Variants in BTC observed in about 807,000 individuals in gnomAD.
BTC encodes betacellulin.
BTC carries 13 observed loss-of-function variants against 18.1 expected under a neutral mutation model. That is an observed-to-expected ratio of 0.72 (90% CI 0.47 to 1.14). The LOEUF (loss-of-function observed/expected upper bound fraction) is 1.14, where lower values mean the gene tolerates loss of function less well. Among genes scored for constraint, BTC ranks in the 50% most tolerant of loss-of-function variants. The pLI is 0.00. For synonymous variants in BTC, 83 were observed against 79.4 expected, an observed-to-expected ratio of 1.05 and a Z score of -0.24; for missense variants, 247 against 224.2, an observed-to-expected ratio of 1.10 and a Z score of -0.65.
intron 2 of BTC, among the ~76,000 whole-genome samples, chr4:74,769,306 A>G (rs752134863): frequency 1.1e-4 from 16 of 152,184 alleles, no homozygotes; most frequent in East Asian, 1.9e-4. Flanking sequence ...CAATCTATAC[A>G]GAACAAACAT....
intron 1 of BTC, among the ~76,000 whole-genome samples, chr4:74,792,688 G>T (rs1351294218): frequency 6.6e-6 from 1 of 152,066 alleles, no homozygotes; most frequent in Non-Finnish European, 1.5e-5. Context: ...ATGCTCATTC[G>T]CATCGCCAAC....
chr4:74,790,946 T>C (rs1225920123), intron 1 of BTC, among the ~76,000 whole-genome samples: 4 of 152,044 alleles, frequency 2.6e-5, no homozygotes, highest in Non-Finnish European at 5.9e-5. Flanking sequence ...AGGATGAGCT[T>C]ACATGCTTTT....
At chr4:74,792,664 C>T (rs1450156965) in intron 1 of BTC, among the ~76,000 whole-genome samples, 1 of 152,232 alleles carries the variant, frequency 6.6e-6, no homozygotes, top group Non-Finnish European at 1.5e-5. Flanking sequence ...AAATTCTACT[C>T]TTTCCAGTAA....
At chr4:74,782,298 C>T (rs1429979436) in intron 1 of BTC, among the ~76,000 whole-genome samples, 1 of 152,118 alleles carries the variant, frequency 6.6e-6, no homozygotes, top group African/African-American at 2.4e-5. Context: ...TTGTTACCCA[C>T]TATGTGTCCA....
chr4:74,752,005 G>A (rs782083349), intron 3 of BTC, among the ~76,000 whole-genome samples: 1 of 152,142 alleles, frequency 6.6e-6, no homozygotes, highest in Admixed American at 6.5e-5. Context: ...AAGGATTTAC[G>A]GCTGGGCTGT....
At chr4:74,763,458 A>T (rs974320187) in intron 2 of BTC, among the ~76,000 whole-genome samples, 15 of 152,208 alleles carry the variant, frequency 9.9e-5, no homozygotes, top group Admixed American at 2.0e-4. Context: ...TAATTTTTTT[A>T]AAGTCAAATA....
At chr4:74,757,757 T>A (rs1724640256) in intron 2 of BTC, among the ~76,000 whole-genome samples, 1 of 152,204 alleles carries the variant, frequency 6.6e-6, no homozygotes, top group Non-Finnish European at 1.5e-5. Flanking sequence ...GAACACTGGA[T>A]TCGGAGAAAG....
chr4:74,765,878 G>A (rs1031211089), intron 2 of BTC, among the ~76,000 whole-genome samples: 6 of 152,014 alleles, frequency 3.9e-5, no homozygotes, highest in African/African-American at 1.4e-4. Context: ...TGCATTATTA[G>A]GCAGTTTTTT....
At chr4:74,751,957 C>T (rs1724472053) in intron 3 of BTC, among the ~76,000 whole-genome samples, 1 of 152,116 alleles carries the variant, frequency 6.6e-6, no homozygotes, top group African/African-American at 2.4e-5. Flanking sequence ...AATTCTGCTC[C>T]TTAGAAAACT....
rs1724255321 is a variant in BTC at position 74,744,998 on chromosome 4, A to C, written c.*1679T>G. On this transcript the variant is annotated 3_prime_UTR_variant, in exon 6 of 6. Transcript: ENST00000395743. ...GCCAAACTCAGTCCAGGAAAAAAGA[A>C]ACATTAAAGCATTGTTTTGTGTTTT... 1 of 152,232 alleles carries C rather than the reference A, an allele frequency of 6.6e-6. No homozygotes were observed. The highest frequency in any genetic ancestry group is 1.5e-5 in the Non-Finnish European group (1 of 68,038). The allele number at this position is 152,232 out of a possible 1,614,324, so 9.4% of individuals were successfully genotyped here.
intron 2 of BTC, among the ~76,000 whole-genome samples, chr4:74,768,500 T>C (rs187119188): frequency 4.6e-5 from 7 of 152,216 alleles, no homozygotes; most frequent in Admixed American, 2.6e-4. Context: ...AATAAGACAG[T>C]CACAGAAAGA....
intron 2 of BTC, among the ~76,000 whole-genome samples, chr4:74,762,238 C>T (rs552029623): frequency 6.6e-6 from 1 of 152,174 alleles, no homozygotes; most frequent in East Asian, 1.9e-4. Flanking sequence ...TTTGATCTTC[C>T]CATGTGATTC....
chr4:74,787,358 T>C (rs367820268), intron 1 of BTC, among the ~76,000 whole-genome samples: 105 of 152,350 alleles, frequency 6.9e-4, no homozygotes, highest in African/African-American at 2.3e-3. Context: ...CATGGTTATT[T>C]GACCTTGTTT....
intron 5 of BTC, among the ~76,000 whole-genome samples, chr4:74,746,934 T>C (rs1553955549): frequency 6.6e-6 from 1 of 152,210 alleles, no homozygotes; most frequent in Non-Finnish European, 1.5e-5. Flanking sequence ...ACGAGGAAGC[T>C]TGTAGCCCTA....
At chr4:74,761,933 C>T (rs4524459) in intron 2 of BTC, among the ~76,000 whole-genome samples, 60,830 of 152,024 alleles carry the variant, frequency 0.4, 12,830 homozygotes, top group East Asian at 0.61. Flanking sequence ...CTCTATTATA[C>T]ATTACTCATT....
At chr4:74,763,061 T>C (rs1553957474) in intron 2 of BTC, among the ~76,000 whole-genome samples, 1 of 152,190 alleles carries the variant, frequency 6.6e-6, no homozygotes, top group East Asian at 1.9e-4. Flanking sequence ...TTTCTCAACA[T>C]TTGTCCACAC....
chr4:74,748,410 C>T (rs2109875421), intron 4 of BTC, among the ~76,000 whole-genome samples: 1 of 152,152 alleles, frequency 6.6e-6, no homozygotes, highest in East Asian at 1.9e-4. Flanking sequence ...GTGGTGGGCG[C>T]CTGTAGTCCC....
chr4:74,766,819 G>T (rs1003027492), intron 2 of BTC, among the ~76,000 whole-genome samples: 2 of 151,782 alleles, frequency 1.3e-5, no homozygotes, highest in Admixed American at 6.6e-5. Context: ...AAAACTACAG[G>T]GCAATGTCCT....
intron 1 of BTC, 126 bp downstream of exon 1, chr4:74,794,136 A>C (rs1725707581): frequency 7.9e-7 from 1 of 1,263,348 alleles, no homozygotes; most frequent in African/African-American, 1.5e-5. Context: ...AAAGTTCTCC[A>C]ACCCGCGCCT....
Sources: allele counts gnomAD v4.1 joint callset (sites outside exome capture counted in the v4.1 genomes callset), GRCh38; gene constraint gnomAD v4.1.1; transcripts MANE v1.5; gene names NCBI Gene and HGNC (gene_info 2026-07-23, HGNC 2026-07-21).